The following RAB38 variants were observed in gnomAD, a reference collection of about 807,000 sequenced individuals.
RAB38 encodes ras-related protein Rab-38.
A neutral mutation model predicts 18.4 loss-of-function variants in RAB38; 15 were observed. That is an observed-to-expected ratio of 0.82 (90% CI 0.55 to 1.26). The LOEUF is 1.26. Ranked by LOEUF, RAB38 falls within the 50% of genes most tolerant of loss-of-function variation. RAB38 has a pLI of 0.00. For synonymous variants in RAB38, 101 were observed against 104.4 expected, an observed-to-expected ratio of 0.97 and a Z score of 0.20; for missense variants, 294 against 267.4, an observed-to-expected ratio of 1.10 and a Z score of -0.69.
chr11:87,872,956 C>A, the RAB38 span, among the ~76,000 whole-genome samples: 24 of 151,666 alleles, frequency 1.6e-4, no homozygotes, highest in African/African-American at 5.3e-4. Flanking sequence ...GTTTTCAACT[C>A]ATTTCCACAA....
the RAB38 span, among the ~76,000 whole-genome samples, chr11:87,890,249 G>T: frequency 6.6e-6 from 1 of 151,858 alleles, no homozygotes; most frequent in African/African-American, 2.4e-5. Context: ...TATGTATAAA[G>T]AAGTATGTCT....
chr11:87,954,770 A>G, the RAB38 span, among the ~76,000 whole-genome samples: 1 of 152,102 alleles, frequency 6.6e-6, no homozygotes, highest in Non-Finnish European at 1.5e-5. Flanking sequence ...AAGCAAGGAC[A>G]CTTTTAGCTA....
intron 1 of RAB38, among the ~76,000 whole-genome samples, chr11:88,161,395 T>C (rs1943188390): frequency 6.6e-6 from 1 of 152,070 alleles, no homozygotes; most frequent in African/African-American, 2.4e-5. Flanking sequence ...TTCCCTGTCC[T>C]GACAGCTGGA....
the RAB38 span, among the ~76,000 whole-genome samples, chr11:87,828,797 T>G: frequency 6.6e-6 from 1 of 152,232 alleles, no homozygotes; most frequent in South Asian, 2.1e-4. Context: ...TGCCAAACAA[T>G]GTGCTTTAAA....
chr11:88,115,228 T>G (rs1472673304), intron 2 of RAB38, among the ~76,000 whole-genome samples: 30 of 148,900 alleles, frequency 2.0e-4, no homozygotes, highest in Non-Finnish European at 4.4e-5. Flanking sequence ...TTTGTAGAAC[T>G]TCTTTGATGT....
the RAB38 span, among the ~76,000 whole-genome samples, chr11:87,811,272 C>T: frequency 6.6e-6 from 1 of 152,202 alleles, no homozygotes; most frequent in Admixed American, 6.5e-5. Flanking sequence ...TTTCTTCTCC[C>T]TGGCCTCTGC....
the RAB38 span, among the ~76,000 whole-genome samples, chr11:87,848,808 G>A: frequency 0.014 from 2,057 of 152,024 alleles, 49 homozygotes; most frequent in African/African-American, 0.047. Flanking sequence ...ATTAACTACC[G>A]GAAAATCAGT....
At chr11:88,131,352 A>T (rs977202773) in intron 2 of RAB38, among the ~76,000 whole-genome samples, 1 of 152,134 alleles carries the variant, frequency 6.6e-6, no homozygotes, top group Admixed American at 6.6e-5. Flanking sequence ...CCTAAACAAG[A>T]CAGATTTATT....
At chr11:88,053,383 T>TATATATGGAATATATATATAC in the RAB38 span, among the ~76,000 whole-genome samples, 1 of 46,568 alleles carries the variant, frequency 2.1e-5, no homozygotes, top group African/African-American at 5.6e-5. Context: ...TATATATATA[T>TATATATGGAATATATATATAC]ACACACACAT....
At chr11:87,834,463 G>A in the RAB38 span, among the ~76,000 whole-genome samples, 75 of 152,304 alleles carry the variant, frequency 4.9e-4, no homozygotes, top group African/African-American at 1.4e-3. Context: ...TTGATTTGCT[G>A]TATTAGCCAT....
chr11:88,059,141 C>T, the RAB38 span, among the ~76,000 whole-genome samples: 1 of 149,664 alleles, frequency 6.7e-6, no homozygotes, highest in South Asian at 2.2e-4. Context: ...TGGATAACAA[C>T]AGAAACTATA....
chr11:88,103,242 ATAACT>A, the RAB38 span, among the ~76,000 whole-genome samples: 14 of 152,058 alleles, frequency 9.2e-5, no homozygotes, highest in Non-Finnish European at 2.1e-4. Context: ...GAGACATATG[ATAACT>A]TAAACTTATT....
At chr11:87,846,422 G>A in the RAB38 span, among the ~76,000 whole-genome samples, 2 of 151,942 alleles carry the variant, frequency 1.3e-5, no homozygotes, top group Non-Finnish European at 2.9e-5. Context: ...AAGACAAATA[G>A]TAAGCATAAG....
At chr11:87,889,335 C>T in the RAB38 span, among the ~76,000 whole-genome samples, 1 of 151,628 alleles carries the variant, frequency 6.6e-6, no homozygotes, top group Non-Finnish European at 1.5e-5. Flanking sequence ...ATCCAAACCA[C>T]ATGTGCTGTT....
chr11:88,032,518 T>A, the RAB38 span, among the ~76,000 whole-genome samples: 4 of 150,794 alleles, frequency 2.7e-5, no homozygotes, highest in African/African-American at 9.7e-5. Flanking sequence ...TACAATGAAC[T>A]CAAATTTACA....
At chr11:87,823,098 T>C in the RAB38 span, among the ~76,000 whole-genome samples, 1 of 151,104 alleles carries the variant, frequency 6.6e-6, no homozygotes, top group East Asian at 1.9e-4. Context: ...CCAATCATTA[T>C]AGACAAAAGA....
chr11:87,841,681 G>A, the RAB38 span, among the ~76,000 whole-genome samples: 1 of 152,176 alleles, frequency 6.6e-6, no homozygotes, highest in East Asian at 1.9e-4. Flanking sequence ...AGATATCTGT[G>A]CCTGTTTCTC....
chr11:88,048,609 GC>G, the RAB38 span, among the ~76,000 whole-genome samples: 1 of 151,956 alleles, frequency 6.6e-6, no homozygotes, highest in Non-Finnish European at 1.5e-5. Flanking sequence ...TTTTTATTAG[GC>G]CCCAACCTCA....
chr11:88,129,223 A>C (rs1220257271), intron 2 of RAB38, among the ~76,000 whole-genome samples: 1 of 152,198 alleles, frequency 6.6e-6, no homozygotes, highest in African/African-American at 2.4e-5. Flanking sequence ...GCAAAAAAGC[A>C]AGATAAGGAA....
Sources: gnomAD v4.1 joint callset for allele counts (sites outside exome capture counted in the v4.1 genomes callset) on GRCh38, gnomAD v4.1.1 for gene constraint, MANE v1.5 for transcripts, NCBI Gene and HGNC (gene_info 2026-07-23, HGNC 2026-07-21) for gene names.